The following EDEM3 variants were observed in gnomAD, a reference collection of about 807,000 sequenced individuals.
EDEM3 encodes the protein ER degradation enhancing alpha-mannosidase like protein 3.
EDEM3 carries 60 observed loss-of-function variants against 110.2 expected under a neutral mutation model. The observed-to-expected ratio is 0.54, with a 90% CI of 0.44 to 0.67. The LOEUF is 0.67. Ranked by LOEUF, EDEM3 falls within the 30% of genes least tolerant of loss-of-function variation. The pLI is 0.00. For missense variants in EDEM3, 996 were observed against 1,121.0 expected (o/e 0.89, Z 1.59); for synonymous variants, 352 against 382.9 (o/e 0.92, Z 0.94).
rs1377432314 is a variant in EDEM3 at position 184,694,291 on chromosome 1, G to T, written c.2571C>A (p.Ser857Arg). 1 of 1,613,298 alleles carries T rather than the reference G, an allele frequency of 6.2e-7. No individual in the cohort carries two copies. The highest frequency in any genetic ancestry group is 8.5e-7 in the Non-Finnish European group (1 of 1,179,600). The change falls in exon 20 of 20, where the codon AGC becomes AGA. Residue 857 changes from serine to arginine, a missense_variant. By Grantham distance (110) the Ser-to-Arg change is moderately radical. Transcript: ENST00000318130. ...TAGAAGTCTGTTCAGAAGGGGAAATGCTTGCAGCATTGTCCATATCTGCTA... is the reference window on the plus strand; with the variant it reads ...TAGAAGTCTGTTCAGAAGGGGAAATTCTTGCAGCATTGTCCATATCTGCTA... Reference protein sequence around the residue: ...LSLADMDNAASISPSEQTSNP... With the variant: ...LSLADMDNAARISPSEQTSNP...
At position 184,716,809 on chromosome 1, in the gene EDEM3, T is replaced by C. The variant is rs74134139; in HGVS notation, c.1370+79A>G. On this transcript the variant is annotated intron_variant, in intron 13 of 19. Coordinates refer to ENST00000318130, the MANE Select transcript of EDEM3 (RefSeq NM_025191.4). Reference sequence around the variant, plus strand: ...ATCCTTTGTAAAAGAATTAAACTTATTTGAATCCTAAATGGTAGCTGCATT... The same window carrying C: ...ATCCTTTGTAAAAGAATTAAACTTACTTGAATCCTAAATGGTAGCTGCATT... The C allele has an allele frequency of 8.9e-3, 13,903 of 1,557,332 alleles. 1,007 individuals are homozygous for C. The African/African-American group carries it at 0.16, about 18-fold the overall frequency.
In EDEM3 at chr1:184,700,228, TATC is replaced by T. The variant is rs1404657695; in HGVS notation, c.2389+2580_2389+2582del. On this transcript the variant is annotated intron_variant, in intron 19 of 19. Coordinates refer to ENST00000318130, the MANE Select transcript of EDEM3 (RefSeq NM_025191.4). Reference sequence around the variant, plus strand: ...TACATCTATACTAATGGCATGGACTTATCAGAAGAAGAAGACAGGAGTGAAGGC... The same window carrying T: ...TACATCTATACTAATGGCATGGACTTAGAAGAAGAAGACAGGAGTGAAGGC... Among the ~76,000 whole-genome samples the T allele has an allele frequency of 8.5e-5, 13 of 152,052 alleles. 1 individual carries two copies. The East Asian group carries it at 2.5e-3, about 29-fold the overall frequency.
intron 1 of EDEM3, among the ~76,000 whole-genome samples, chr1:184,752,199 A>G (rs760636602): frequency 6.6e-4 from 100 of 152,360 alleles, no homozygotes; most frequent in Non-Finnish European, 1.2e-3. Context: ...TTATTCCATG[A>G]AGGATAAGAC....
chr1:184,739,350 CATT>C (rs990436227), intron 2 of EDEM3, among the ~76,000 whole-genome samples: 4 of 148,272 alleles, frequency 2.7e-5, no homozygotes, highest in African/African-American at 7.4e-5. Context: ...TAATTTAAAT[CATT>C]AATTATAAAA....
intron 2 of EDEM3, among the ~76,000 whole-genome samples, chr1:184,747,364 T>C (rs1652490062): frequency 6.6e-6 from 1 of 152,184 alleles, no homozygotes; most frequent in African/African-American, 2.4e-5. Flanking sequence ...TTTCTGAGTG[T>C]AGGGACCGGA....
intron 13 of EDEM3, among the ~76,000 whole-genome samples, chr1:184,714,663 A>G (rs1195227916): frequency 6.6e-6 from 1 of 152,204 alleles, no homozygotes; most frequent in Admixed American, 6.5e-5. Context: ...AAAAAAATGT[A>G]AGGTATGCTC....
At chr1:184,720,465 C>A (rs1046032323) in intron 9 of EDEM3, 3 of 151,674 alleles carry the variant, frequency 2.0e-5, no homozygotes, top group Non-Finnish European at 2.9e-5. Context: ...GTCACAAAAC[C>A]CGTAGGTGGT....
rs748202384 is a variant in EDEM3 at position 184,732,820 on chromosome 1, T to C, written c.612+17A>G. 6.2e-6 allele frequency: 10 copies of C among 1,607,320 alleles called. No individual in the cohort carries two copies. Among genetic ancestry groups the C allele is most frequent in the Non-Finnish European group, 8.5e-6 (10 of 1,176,882 alleles). On this transcript the variant is annotated intron_variant, in intron 6 of 19. Coordinates refer to ENST00000318130, the MANE Select transcript of EDEM3 (RefSeq NM_025191.4). ...AAAGAAAGTATATAAAGACTCATAT[T>C]TTTCAGAAGTACTTACTCTTGGATA... is the stretch of plus-strand genomic sequence containing the variant.
intron 2 of EDEM3, 145 bp from the exon 3 acceptor site, chr1:184,737,856 C>T: frequency 2.9e-6 from 2 of 680,128 alleles, no homozygotes; most frequent in Non-Finnish European, 4.6e-6. Flanking sequence ...TTTCAAAAAT[C>T]TTTAATTACA....
chr1:184,751,834 A>G (rs1173959424), intron 1 of EDEM3, among the ~76,000 whole-genome samples: 3 of 152,046 alleles, frequency 2.0e-5, no homozygotes, highest in Non-Finnish European at 4.4e-5. Context: ...GCTCGCTGCA[A>G]CCTTCGCCTC....
chr1:184,752,980 T>A (rs1012800987), intron 1 of EDEM3, among the ~76,000 whole-genome samples: 1 of 152,222 alleles, frequency 6.6e-6, no homozygotes, highest in Non-Finnish European at 1.5e-5. Flanking sequence ...TAAATTCATA[T>A]GAGAGAAAAT....
chr1:184,733,044 C>T, intron 5 of EDEM3, 54 bp from the exon 6 acceptor site: 1 of 1,525,866 alleles, frequency 6.6e-7, no homozygotes, highest in Non-Finnish European at 8.8e-7. Flanking sequence ...TTAAAAGTTA[C>T]CATCTAAAAA....
intron 6 of EDEM3, among the ~76,000 whole-genome samples, chr1:184,732,181 A>C (rs34618074): frequency 0.49 from 74,111 of 150,468 alleles, 18,275 homozygotes; most frequent in East Asian, 0.66. Flanking sequence ...ATTCCCCCCC[A>C]CCAAAAAAAA....
At position 184,739,160 on chromosome 1, in the gene EDEM3, AT is replaced by A. The variant is rs1308647867; in HGVS notation, c.205-1450del. Among the ~76,000 whole-genome samples, 3 of 151,282 alleles carry A rather than the reference AT, an allele frequency of 2.0e-5. 1 individual carries two copies. The highest frequency in any genetic ancestry group is 4.4e-5 in the Non-Finnish European group (3 of 67,736). On this transcript the variant is annotated intron_variant, in intron 2 of 19. Coordinates refer to ENST00000318130, the MANE Select transcript of EDEM3 (RefSeq NM_025191.4). Reference sequence around the variant, plus strand: ...CTTTTTGCGAACACATTTCTGTAGTATTTATTCATTCTACAGATCTATTTGC... The same window carrying A: ...CTTTTTGCGAACACATTTCTGTAGTATTATTCATTCTACAGATCTATTTGC...
intron 7 of EDEM3, among the ~76,000 whole-genome samples, chr1:184,725,549 A>G (rs180913729): frequency 0.01 from 1,553 of 152,060 alleles, 9 homozygotes; most frequent in Non-Finnish European, 0.015. Context: ...ATACAAAGTC[A>G]ATTTGTTTTC....
intron 19 of EDEM3, among the ~76,000 whole-genome samples, chr1:184,699,469 G>A (rs1290463557): frequency 6.6e-6 from 1 of 151,920 alleles, no homozygotes; most frequent in African/African-American, 2.4e-5. Flanking sequence ...CTTGGATGGA[G>A]AAGGGAAGGT....
chr1:184,699,186 T>C (rs1558039953), intron 19 of EDEM3, among the ~76,000 whole-genome samples: 1 of 151,850 alleles, frequency 6.6e-6, no homozygotes, highest in Non-Finnish European at 1.5e-5. Context: ...GAACCATTCA[T>C]TCATTCATTC....
chr1:184,732,724 C>T, intron 6 of EDEM3, 113 bp downstream of exon 6: 1 of 1,045,032 alleles, frequency 9.6e-7, no homozygotes, highest in Non-Finnish European at 1.3e-6. Flanking sequence ...AGCTTTGAAG[C>T]ATTTTTTTTT....
In EDEM3 at chr1:184,693,486, T is replaced by G. The variant is rs1220431664; in HGVS notation, c.*577A>C. 1.3e-5 allele frequency: 2 copies of G among 152,612 alleles called. No individual in the cohort carries two copies. Among genetic ancestry groups the G allele is most frequent in the Non-Finnish European group, 2.9e-5 (2 of 68,084 alleles). The allele number at this position is 152,612 out of a possible 1,614,324, so 9.5% of individuals were successfully genotyped here. On this transcript the variant is annotated 3_prime_UTR_variant, in exon 20 of 20. Transcript: ENST00000318130. ...AAGAAGGAAAAAAAATCAAGTCATC[T>G]TGATCATTTGTCACTAAATGAAACA...
Sources: gnomAD v4.1 joint callset for allele counts (sites outside exome capture counted in the v4.1 genomes callset) on GRCh38, gnomAD v4.1.1 for gene constraint, MANE v1.5 for transcripts, NCBI Gene and HGNC (gene_info 2026-07-23, HGNC 2026-07-21) for gene names.